The following PHC2 variants were observed in gnomAD, a reference collection of about 807,000 sequenced individuals.
PHC2 encodes polyhomeotic homolog 2.
A neutral mutation model predicts 87.4 loss-of-function variants in PHC2; 29 were observed. The ratio of observed to expected loss-of-function variants is 0.33; its 90% confidence interval spans 0.25 to 0.45. The LOEUF is 0.45. Among genes scored for constraint, PHC2 ranks in the 20% least tolerant of loss-of-function variants. The pLI, the probability that PHC2 is intolerant of heterozygous loss-of-function variation, is 1.00. For synonymous variants in PHC2, 438 were observed against 461.7 expected, an observed-to-expected ratio of 0.95 and a Z score of 0.66; for missense variants, 857 against 1,136.7, an observed-to-expected ratio of 0.75 and a Z score of 3.54.
chr1:33,328,926 C>T lies in PHC2; in HGVS notation c.2369G>A (p.Ser790Asn). The change falls in exon 14 of 15, where the codon AGT becomes AAT. Residue 790 changes from serine to asparagine, a missense_variant. By Grantham distance (46) the Ser-to-Asn change is conservative. Transcript: ENST00000683057. ...TTCTACATTCCACTTGGTGGGCTCA[C>T]TTGGCAGGAAGTGGTGTCCCATGCC... ...LVGMGHHFLP[S>N]EPTKWNVEDV... The T allele has an allele frequency of 6.2e-7, 1 of 1,614,014 alleles. No individual in the cohort carries two copies. The highest frequency in any genetic ancestry group is 8.5e-7 in the Non-Finnish European group (1 of 1,179,860).
intron 1 of PHC2, among the ~76,000 whole-genome samples, chr1:33,428,767 A>G (rs191581255): frequency 4.7e-4 from 71 of 152,338 alleles, no homozygotes; most frequent in African/African-American, 1.6e-3. Context: ...ACTGGGATGA[A>G]GAGAAGAGGA....
Position 33,355,171 on chromosome 1 carries a change from C to A in PHC2, c.1059G>T (p.Gln353His). ...HLQPQFVIQQ[Q>H]PQPQQQQPPP... ...GCGGCTGCTGCTGTTGTGGCTGTGG[C>A]TGCTGCTGGATCACAAATTGGGGCT... The change falls in exon 8 of 15, where the codon CAG becomes CAT. Residue 353 changes from glutamine to histidine, a missense_variant. By Grantham distance (24) the Gln-to-His change is conservative (BLOSUM62 0). This residue lies in a region of PHC2 where 832 missense variants were observed against 1,081.8 expected (regional missense o/e 0.77). Coordinates refer to ENST00000683057, the MANE Select transcript of PHC2 (RefSeq NM_001385109.1). The A allele has an allele frequency of 6.2e-7, 1 of 1,608,546 alleles. No individual in the cohort carries two copies. The highest frequency in any genetic ancestry group is 8.5e-7 in the Non-Finnish European group (1 of 1,177,964).
intron 1 of PHC2, among the ~76,000 whole-genome samples, chr1:33,417,030 A>AAT (rs1194090553): frequency 6.6e-6 from 1 of 152,160 alleles, no homozygotes; most frequent in Non-Finnish European, 1.5e-5. Flanking sequence ...ATGTTTCTCT[A>AAT]ATATATATAA....
rs964007329 is a variant in PHC2 at position 33,323,808 on chromosome 1, G to A, written c.*1057C>T. The stretch of plus-strand genomic sequence containing the variant: ...CCCTTTCTGCCCTGCCTCCTCCTCA[G>A]GTAGCTCAAATTGCTGCTAGGAAGA... On this transcript the variant is annotated 3_prime_UTR_variant, in exon 15 of 15. Coordinates refer to ENST00000683057, the MANE Select transcript of PHC2 (RefSeq NM_001385109.1). The A allele has an allele frequency of 6.6e-6, 1 of 152,626 alleles. No individual in the cohort carries two copies. Among genetic ancestry groups the A allele is most frequent in the Non-Finnish European group, 1.5e-5 (1 of 68,040 alleles). 9.5% of individuals were successfully genotyped at this position (152,626 alleles called of 1,614,324 possible).
chr1:33,356,291 A>ATTTATT (rs1553185711), intron 7 of PHC2, among the ~76,000 whole-genome samples: 5 of 139,594 alleles, frequency 3.6e-5, no homozygotes, highest in African/African-American at 1.3e-4. Flanking sequence ...ATATATATAT[A>ATTTATT]TATTTATTTA....
Position 33,367,124 on chromosome 1 carries a change from A to G in PHC2, c.968T>C (p.Ile323Thr). Residue 323 changes from isoleucine to threonine, a missense_variant, in exon 7 of 15, where the codon ATT (isoleucine) becomes ACT (threonine). Ile to Thr is a moderately conservative substitution (Grantham distance 89). This residue lies in a region of PHC2 where 832 missense variants were observed against 1,081.8 expected (regional missense o/e 0.77). Coordinates refer to ENST00000683057, the MANE Select transcript of PHC2 (RefSeq NM_001385109.1). ...TVPAVAAHPL[I>T]APAYAQLQPH... ...CTTCCTGAAGACCTTACCTGGTGCAATGAGGGGGTGGGCAGCCACAGCAGG... is the reference window on the plus strand; with the variant it reads ...CTTCCTGAAGACCTTACCTGGTGCAGTGAGGGGGTGGGCAGCCACAGCAGG... 6 of 1,604,208 alleles carry G rather than the reference A, an allele frequency of 3.7e-6. No individual in the cohort carries two copies. The highest frequency in any genetic ancestry group is 5.1e-6 in the Non-Finnish European group (6 of 1,172,980).
chr1:33,373,323 G>A (rs12754594), intron 2 of PHC2, among the ~76,000 whole-genome samples: 26,217 of 152,042 alleles, frequency 0.17, 2,792 homozygotes, highest in South Asian at 0.27. Flanking sequence ...GTTTTACCAT[G>A]TTGGCCAGGC....
chr1:33,426,881 G>T (rs1193240684), intron 1 of PHC2, among the ~76,000 whole-genome samples: 1 of 152,096 alleles, frequency 6.6e-6, no homozygotes, highest in Non-Finnish European at 1.5e-5. Context: ...TGTGGGGCCT[G>T]GTGCAAAATG....
chr1:33,403,082 A>T (rs1263110052), intron 1 of PHC2, among the ~76,000 whole-genome samples: 1 of 149,980 alleles, frequency 6.7e-6, no homozygotes, highest in African/African-American at 2.5e-5. Flanking sequence ...CAGGCTCCCA[A>T]AGTGCTGGGA....
intron 1 of PHC2, among the ~76,000 whole-genome samples, chr1:33,403,623 G>T (rs2148380740): frequency 6.6e-6 from 1 of 152,260 alleles, no homozygotes; most frequent in East Asian, 1.9e-4. Context: ...TCATGGTAAA[G>T]AAAATGAAAA....
At chr1:33,342,733 A>G (rs115903193) in intron 9 of PHC2, among the ~76,000 whole-genome samples, 2,610 of 152,274 alleles carry the variant, frequency 0.017, 68 homozygotes, top group African/African-American at 0.059. Context: ...GGAGTTTTCA[A>G]AGAGTTCTAC....
chr1:33,389,072 A>G (rs72658278), intron 1 of PHC2, among the ~76,000 whole-genome samples: 31 of 145,206 alleles, frequency 2.1e-4, no homozygotes, highest in Non-Finnish European at 3.0e-4. Flanking sequence ...AAAAAAAAAA[A>G]AAAGAAAGAA....
At chr1:33,325,100 A>T in intron 14 of PHC2, 81 bp from the exon 15 acceptor site, 1 of 1,279,202 alleles carries the variant, frequency 7.8e-7, no homozygotes, top group South Asian at 1.5e-5. Context: ...AGTTATCTAG[A>T]TCTAGTTATC....
intron 1 of PHC2, among the ~76,000 whole-genome samples, chr1:33,413,792 T>A (rs1374133518): frequency 6.6e-6 from 1 of 152,214 alleles, no homozygotes; most frequent in African/African-American, 2.4e-5. Context: ...CCACTGTATG[T>A]AAACCATGAA....
intron 9 of PHC2, chr1:33,347,018 T>A (rs1646857238): frequency 1.0e-6 from 1 of 985,446 alleles, no homozygotes; most frequent in Non-Finnish European, 1.2e-6. Flanking sequence ...TACTTACTCC[T>A]CTTAACATGC....
intron 9 of PHC2, chr1:33,347,024 C>T (rs752025725): frequency 1.0e-6 from 1 of 985,452 alleles, no homozygotes; most frequent in Non-Finnish European, 1.2e-6. Flanking sequence ...CTCCTCTTAA[C>T]ATGCCCTCTC....
chr1:33,349,583 G>GCC lies in PHC2; in HGVS notation c.1558+4816_1558+4817dup. The GCC allele has an allele frequency of 1.0e-6, 1 of 983,472 alleles. No individual in the cohort carries two copies. Among genetic ancestry groups the GCC allele is most frequent in the Non-Finnish European group, 1.2e-6 (1 of 828,776 alleles). The allele number at this position is 983,472 out of a possible 1,614,324, so 60.9% of individuals were successfully genotyped here. On this transcript the variant is annotated intron_variant, in intron 9 of 14. Coordinates refer to ENST00000683057, the MANE Select transcript of PHC2 (RefSeq NM_001385109.1). The surrounding 1 kb of genome is among the most constrained non-coding windows in gnomAD (Gnocchi z 4.2). Reference sequence around the variant, plus strand: ...CCCTACTGGCGAGAACCCCTCCCCCGCCCCGGCACTGACCTGTCCAGGGCC... The same window carrying GCC: ...CCCTACTGGCGAGAACCCCTCCCCCGCCCCCCGGCACTGACCTGTCCAGGGCC...
intron 1 of PHC2, among the ~76,000 whole-genome samples, chr1:33,427,730 T>C (rs1184157477): frequency 6.6e-6 from 1 of 152,260 alleles, no homozygotes; most frequent in Admixed American, 6.5e-5. Context: ...TTGACTTCTG[T>C]GATACTACAC....
intron 14 of PHC2, among the ~76,000 whole-genome samples, chr1:33,326,759 G>A (rs867571079): frequency 3.3e-5 from 5 of 152,274 alleles, no homozygotes; most frequent in African/African-American, 4.8e-5. Flanking sequence ...TTTGAGACCA[G>A]CCTGCCAACA....
Sources: gnomAD v4.1 joint callset for allele counts (sites outside exome capture counted in the v4.1 genomes callset) on GRCh38, gnomAD v4.1.1 for gene constraint, gnomAD v4.1.1 regional missense constraint, Gnocchi (gnomAD v3.1) non-coding constraint, MANE v1.5 for transcripts, NCBI Gene and HGNC (gene_info 2026-07-23, HGNC 2026-07-21) for gene names.